CTXND1: variants seen among roughly 807,000 people sequenced by gnomAD.
CTXND1 encodes cortexin domain containing 1, also known as cortexin domain-containing 1 protein.
chr15:80,203,291 T>A (rs12915889), intron 2 of CTXND1, among the ~76,000 whole-genome samples: 57,354 of 152,048 alleles, frequency 0.38, 11,065 homozygotes, highest in South Asian at 0.52. Context: ...AAGCTCATGA[T>A]ACCCCTGGAA....
chr15:80,240,893 A>G (rs941718300), intron 1 of CTXND1, among the ~76,000 whole-genome samples: 79 of 152,182 alleles, frequency 5.2e-4, no homozygotes, highest in Non-Finnish European at 1.6e-4. Context: ...TCCCCAGGAC[A>G]AAGCTGGCTT....
At chr15:80,214,031 T>C (rs1893227979) in intron 1 of CTXND1, among the ~76,000 whole-genome samples, 2 of 152,130 alleles carry the variant, frequency 1.3e-5, no homozygotes, top group South Asian at 4.1e-4. Flanking sequence ...ACTGTGTTTA[T>C]ATAGGTATAA....
chr15:80,199,076 A>G lies in CTXND1; in HGVS notation c.*2694T>C, dbSNP rs546817435. On this transcript the variant is annotated 3_prime_UTR_variant, in exon 3 of 3. Coordinates refer to ENST00000560778, the MANE Select transcript of CTXND1 (RefSeq NM_001352888.2). ...GAGGCTTGGGTTGGGAGTGCTTTTT[A>G]TATTTTCCACCCTTCCTGAAATGCT... 3.9e-5 allele frequency: 6 copies of G among 152,324 alleles called. No homozygotes were observed. The highest frequency in any genetic ancestry group is 1.4e-4 in the African/African-American group (6 of 41,572). 9.4% of individuals were successfully genotyped at this position (152,324 alleles called of 1,614,324 possible).
intron 1 of CTXND1, among the ~76,000 whole-genome samples, chr15:80,209,235 G>A (rs1202260048): frequency 6.6e-6 from 1 of 152,228 alleles, no homozygotes; most frequent in African/African-American, 2.4e-5. Context: ...CTGCCTTGCA[G>A]TTGGAATGTG....
chr15:80,219,790 CT>C (rs2142129227), intron 1 of CTXND1, among the ~76,000 whole-genome samples: 1 of 152,216 alleles, frequency 6.6e-6, no homozygotes, highest in Non-Finnish European at 1.5e-5. Context: ...TGTGGTGCAT[CT>C]TTTTATAATT....
chr15:80,218,776 C>A (rs979332539), intron 1 of CTXND1, among the ~76,000 whole-genome samples: 1 of 152,024 alleles, frequency 6.6e-6, no homozygotes, highest in South Asian at 2.1e-4. Context: ...CAGATGTAAG[C>A]GAAGCCCAGT....
chr15:80,211,951 G>A (rs114096331), intron 1 of CTXND1, among the ~76,000 whole-genome samples: 18 of 152,176 alleles, frequency 1.2e-4, no homozygotes, highest in Middle Eastern at 3.4e-3. Flanking sequence ...TTACAACTCC[G>A]TAGAAGACTA....
chr15:80,237,011 G>A (rs1893506201), intron 1 of CTXND1, among the ~76,000 whole-genome samples: 4 of 151,814 alleles, frequency 2.6e-5, no homozygotes, highest in Admixed American at 2.6e-4. Context: ...ATTATTTATT[G>A]TTATTTAAGA....
At chr15:80,245,792 G>A (rs189218014) in intron 1 of CTXND1, among the ~76,000 whole-genome samples, 3 of 152,194 alleles carry the variant, frequency 2.0e-5, no homozygotes, top group Non-Finnish European at 4.4e-5. Context: ...GCCCAAATCT[G>A]TCCATTGCTC....
Position 80,200,597 on chromosome 15 carries a change from C to T in CTXND1, c.*1173G>A, listed in dbSNP as rs1468616191. 1.3e-5 allele frequency: 2 copies of T among 152,194 alleles called. No homozygotes were observed. The highest frequency in any genetic ancestry group is 4.8e-5 in the African/African-American group (2 of 41,426). The allele number at this position is 152,194 out of a possible 1,614,324, so 9.4% of individuals were successfully genotyped here. A position where few individuals can be genotyped will look rare whatever the true frequency, so the allele number is the denominator to read the frequency against. On this transcript the variant is annotated 3_prime_UTR_variant, in exon 3 of 3. Transcript: ENST00000560778. ...GCACATTCATAGTATATTCACTCCC[C>T]TTTCTGTCCTTTCGTTCACATGAGG... is the stretch of plus-strand genomic sequence containing the variant.
intron 1 of CTXND1, among the ~76,000 whole-genome samples, chr15:80,220,208 G>GT (rs1040497247): frequency 4.7e-5 from 7 of 150,496 alleles, no homozygotes; most frequent in Admixed American, 2.0e-4. Context: ...CTACAACTTT[G>GT]TTTTTCACAT....
At chr15:80,242,198 G>C (rs1315513633) in intron 1 of CTXND1, among the ~76,000 whole-genome samples, 1 of 152,178 alleles carries the variant, frequency 6.6e-6, no homozygotes, top group African/African-American at 2.4e-5. Flanking sequence ...CGTCCCCTAT[G>C]TTGAAAGGCA....
At chr15:80,202,846 C>T (rs772161129) in intron 2 of CTXND1, among the ~76,000 whole-genome samples, 1 of 152,176 alleles carries the variant, frequency 6.6e-6, no homozygotes, top group Non-Finnish European at 1.5e-5. Context: ...TTGGCAGTCA[C>T]GTGGAAGAGT....
intron 1 of CTXND1, among the ~76,000 whole-genome samples, chr15:80,235,260 A>T (rs527570215): frequency 2.0e-5 from 3 of 152,300 alleles, no homozygotes; most frequent in African/African-American, 7.2e-5. Context: ...GCAGGACCTA[A>T]TAGATAGCCT....
chr15:80,215,839 T>C (rs940822180), intron 1 of CTXND1, among the ~76,000 whole-genome samples: 26 of 152,204 alleles, frequency 1.7e-4, no homozygotes, highest in African/African-American at 6.0e-4. Flanking sequence ...TTCCTCCCTC[T>C]GGACGTTGCT....
At chr15:80,245,748 T>TC (rs1893620959) in intron 1 of CTXND1, among the ~76,000 whole-genome samples, 2 of 152,046 alleles carry the variant, frequency 1.3e-5, no homozygotes, top group South Asian at 4.2e-4. Flanking sequence ...GCCACCACCC[T>TC]CTCCCTGTGA....
intron 1 of CTXND1, among the ~76,000 whole-genome samples, chr15:80,242,505 A>G (rs1447023570): frequency 1.3e-5 from 2 of 151,922 alleles, no homozygotes; most frequent in East Asian, 3.9e-4. Flanking sequence ...AACAAGTTCC[A>G]CCTCCCCTGG....
rs995357836 is a variant in CTXND1 at position 80,201,977 on chromosome 15, T to C, written c.-28A>G. On this transcript the variant is annotated 5_prime_UTR_variant, in exon 3 of 3. Coordinates refer to ENST00000560778, the MANE Select transcript of CTXND1 (RefSeq NM_001352888.2). ...CGCGGCAGCGACTGCGGGCTGCTCC[T>C]CCTCCGCCTCGGGTTTGACTGGTAC... The C allele has an allele frequency of 1.8e-5, 7 of 398,954 alleles. No individual in the cohort carries two copies. In the Admixed American group the frequency reaches 2.2e-4, roughly 13 times the overall value. The allele number at this position is 398,954 out of a possible 1,614,324, so 24.7% of individuals were successfully genotyped here.
chr15:80,241,493 C>T (rs537200778), intron 1 of CTXND1, among the ~76,000 whole-genome samples: 1 of 152,302 alleles, frequency 6.6e-6, no homozygotes, highest in East Asian at 1.9e-4. Flanking sequence ...TGAGGACCCC[C>T]TTTTGGGTTT....
Sources: gnomAD v4.1 joint callset for allele counts (sites outside exome capture counted in the v4.1 genomes callset) on GRCh38, gnomAD v4.1.1 for gene constraint, MANE v1.5 for transcripts, NCBI Gene and HGNC (gene_info 2026-07-23, HGNC 2026-07-21) for gene names.